Variants in MGRN1 observed in about 807,000 individuals in gnomAD.
The protein encoded by MGRN1 is mahogunin ring finger 1.
Under a neutral mutation model 69.2 loss-of-function variants are expected in MGRN1, and 29 were observed. The observed-to-expected ratio is 0.42, with a 90% confidence interval of 0.31 to 0.57. MGRN1 has a LOEUF of 0.57. MGRN1 is among the 20% of genes least tolerant of loss of function. The probability of loss-of-function intolerance (pLI) is 0.15; values close to 1 mark genes in which losing one functional copy is unlikely to be tolerated. For missense variants in MGRN1, 998 were observed against 796.2 expected (o/e 1.25, Z -3.05); for synonymous variants, 470 against 344.2 (o/e 1.37, Z -4.04).
At chr16:4,643,341 C>T (rs1330190438) in intron 1 of MGRN1, among the ~76,000 whole-genome samples, 1 of 151,986 alleles carries the variant, frequency 6.6e-6, no homozygotes, top group Non-Finnish European at 1.5e-5. Flanking sequence ...AGTGAACCTC[C>T]CACCTTGGCC....
intron 9 of MGRN1, among the ~76,000 whole-genome samples, chr16:4,671,942 G>A (rs1439863276): frequency 8.5e-5 from 13 of 152,192 alleles, no homozygotes; most frequent in Admixed American, 8.5e-4. Context: ...GTCTCACTCT[G>A]CTGCTCAGGC....
chr16:4,647,100 C>T (rs9927201), intron 1 of MGRN1, among the ~76,000 whole-genome samples: 6,381 of 152,354 alleles, frequency 0.042, 452 homozygotes, highest in African/African-American at 0.14. Flanking sequence ...GGGCTTCCCA[C>T]ACCCTCTTGC....
chr16:4,627,453 T>A (rs1290482778), intron 1 of MGRN1, among the ~76,000 whole-genome samples: 1 of 152,256 alleles, frequency 6.6e-6, no homozygotes, highest in African/African-American at 2.4e-5. Flanking sequence ...ACTCATCCAT[T>A]GTAAACATGA....
chr16:4,633,553 T>C (rs1245720898), intron 1 of MGRN1: 1 of 150,930 alleles, frequency 6.6e-6, no homozygotes, highest in Non-Finnish European at 1.5e-5. Context: ...GAGCTGGGCG[T>C]GGTGGTACGT....
At chr16:4,628,702 G>A (rs1897829651) in intron 1 of MGRN1, among the ~76,000 whole-genome samples, 1 of 152,002 alleles carries the variant, frequency 6.6e-6, no homozygotes, top group Non-Finnish European at 1.5e-5. Flanking sequence ...GCACCACCAC[G>A]CCCGGCTAAT....
intron 1 of MGRN1, among the ~76,000 whole-genome samples, chr16:4,644,281 C>T (rs1471872122): frequency 1.4e-5 from 2 of 147,540 alleles, no homozygotes; most frequent in African/African-American, 5.0e-5. Flanking sequence ...TGTTAGCCAC[C>T]GTGCTTGGAC....
chr16:4,652,215 C>T (rs2078424924), intron 3 of MGRN1, among the ~76,000 whole-genome samples, 164 bp downstream of exon 3: 2 of 152,108 alleles, frequency 1.3e-5, no homozygotes, highest in African/African-American at 4.8e-5. Context: ...AGGGAAAGGG[C>T]ATGTGGAACA....
intron 1 of MGRN1, chr16:4,640,460 A>G (rs916751901): frequency 6.6e-6 from 1 of 152,240 alleles, no homozygotes; most frequent in Non-Finnish European, 1.5e-5. Flanking sequence ...TTGCCCGGAC[A>G]CCTGCAAGCC....
chr16:4,669,292 G>T (rs1046316130), intron 8 of MGRN1: 1 of 152,012 alleles, frequency 6.6e-6, no homozygotes, highest in Admixed American at 6.6e-5. Flanking sequence ...AAATTAACCG[G>T]GTATAATAAC....
intron 11 of MGRN1, among the ~76,000 whole-genome samples, chr16:4,678,370 G>A (rs981486745): frequency 3.3e-5 from 5 of 152,218 alleles, no homozygotes; most frequent in African/African-American, 9.6e-5. Context: ...GAGACAGGGC[G>A]AGAGAGAGGT....
chr16:4,682,169 A>C (rs978174893), intron 13 of MGRN1, among the ~76,000 whole-genome samples: 1 of 152,236 alleles, frequency 6.6e-6, no homozygotes, highest in Non-Finnish European at 1.5e-5. Flanking sequence ...CAGCCAGGGC[A>C]GCCGAAACTC....
At chr16:4,638,325 C>T (rs1023353123) in intron 1 of MGRN1, among the ~76,000 whole-genome samples, 15 of 151,978 alleles carry the variant, frequency 9.9e-5, no homozygotes, top group Non-Finnish European at 1.8e-4. Context: ...AATTGCTGGG[C>T]GTGGTGGCGG....
At chr16:4,629,481 C>T (rs944784978) in intron 1 of MGRN1, among the ~76,000 whole-genome samples, 1 of 152,128 alleles carries the variant, frequency 6.6e-6, no homozygotes, top group Non-Finnish European at 1.5e-5. Flanking sequence ...TGGCTCACGC[C>T]TGTAATCCCA....
At chr16:4,658,955 C>A (rs879533283) in intron 5 of MGRN1, 3 of 152,288 alleles carry the variant, frequency 2.0e-5, no homozygotes, top group Admixed American at 6.5e-5. Flanking sequence ...CATGATCGTG[C>A]CAGCGCACTT....
chr16:4,656,987 A>AGGGATT (rs1275208677), intron 4 of MGRN1, among the ~76,000 whole-genome samples: 2 of 152,220 alleles, frequency 1.3e-5, no homozygotes, highest in Non-Finnish European at 2.9e-5. Context: ...GAGGTATCAA[A>AGGGATT]GGGATTGGGC....
At chr16:4,686,255 G>C (rs189814564) in intron 16 of MGRN1, 3 of 1,543,094 alleles carry the variant, frequency 1.9e-6, no homozygotes, top group Non-Finnish European at 2.6e-6. Context: ...CCCTCTCCGC[G>C]CAGCCCTGGG....
intron 1 of MGRN1, among the ~76,000 whole-genome samples, chr16:4,643,212 G>A (rs539917970): frequency 6.6e-6 from 1 of 151,634 alleles, no homozygotes; most frequent in Non-Finnish European, 1.5e-5. Flanking sequence ...CACTCCTCTC[G>A]GCCTCCCAGA....
intron 1 of MGRN1, among the ~76,000 whole-genome samples, chr16:4,630,924 C>T (rs769507728): frequency 6.6e-6 from 1 of 151,688 alleles, no homozygotes; most frequent in African/African-American, 2.4e-5. Flanking sequence ...GATTCTCCCA[C>T]CTCAGCCTCC....
chr16:4,668,215 C>G, intron 7 of MGRN1, 50 bp from the exon 8 acceptor site: 1 of 1,591,976 alleles, frequency 6.3e-7, no homozygotes. Context: ...CAGGGGTGCT[C>G]AGAGGCGCCA....
Sources: allele counts gnomAD v4.1 joint callset (sites outside exome capture counted in the v4.1 genomes callset), GRCh38; gene constraint gnomAD v4.1.1; transcripts MANE v1.5; gene names NCBI Gene and HGNC (gene_info 2026-07-23, HGNC 2026-07-21).